ZC3H12C: variants seen among roughly 807,000 people sequenced by gnomAD.
The protein encoded by ZC3H12C is zinc finger CCCH-type containing 12C, also known as probable ribonuclease ZC3H12C.
Under a neutral mutation model 76.3 loss-of-function variants are expected in ZC3H12C, and 20 were observed. The observed-to-expected ratio is 0.26, with a 90% CI of 0.18 to 0.38. The LOEUF is 0.38. Among genes scored for constraint, ZC3H12C ranks in the 10% least tolerant of loss-of-function variants. The probability of loss-of-function intolerance (pLI) is 1.00; values close to 1 mark genes in which losing one functional copy is unlikely to be tolerated. For missense variants in ZC3H12C, 874 were observed against 1,086.5 expected, an observed-to-expected ratio of 0.80 and a Z score of 2.75; for synonymous variants, 352 against 399.6, an observed-to-expected ratio of 0.88 and a Z score of 1.42.
At chr11:110,135,180 C>T (rs681272) in intron 1 of ZC3H12C, among the ~76,000 whole-genome samples, 75,588 of 151,822 alleles carry the variant, frequency 0.5, 19,081 homozygotes, top group East Asian at 0.72. Flanking sequence ...CGTAGAATAC[C>T]AGAATTGCCT....
chr11:110,104,148 A>G (rs1415160328), intron 1 of ZC3H12C, among the ~76,000 whole-genome samples: 1 of 151,684 alleles, frequency 6.6e-6, no homozygotes, highest in Non-Finnish European at 1.5e-5. Flanking sequence ...TCCCAGCACA[A>G]TTTTCGTGCC....
intron 1 of ZC3H12C, chr11:110,136,394 G>T: frequency 2.8e-6 from 1 of 353,146 alleles, no homozygotes; most frequent in Non-Finnish European, 5.1e-6. Context: ...ATGGGTTTTA[G>T]AATCAGACGA....
intron 2 of ZC3H12C, among the ~76,000 whole-genome samples, chr11:110,151,141 T>C (rs1264471623): frequency 6.6e-6 from 1 of 152,202 alleles, no homozygotes; most frequent in African/African-American, 2.4e-5. Flanking sequence ...AATTGCATAG[T>C]ACAGTATCCT....
intron 1 of ZC3H12C, among the ~76,000 whole-genome samples, chr11:110,100,367 G>T (rs949597679): frequency 6.6e-6 from 1 of 152,154 alleles, no homozygotes; most frequent in Non-Finnish European, 1.5e-5. Flanking sequence ...TACTTTAAAT[G>T]AATCTGCTGG....
Position 110,137,314 on chromosome 11 carries a change from C to G in ZC3H12C, c.673C>G (p.Leu225Val). ...CACTATAACACGGGAAACTTCTTCC[C>G]TGGAATCTCAGAGGTCTGAATCTCC... ...INTITRETSS[L>V]ESQRSESPMQ... The change falls in exon 2 of 6, where the codon CTG (leucine) becomes GTG (valine). Residue 225 changes from leucine to valine, a missense_variant. Physicochemically the swap from Leu to Val is conservative, Grantham distance 32. Coordinates refer to ENST00000278590, the MANE Select transcript of ZC3H12C (RefSeq NM_033390.2). 3 of 1,613,894 alleles carry G rather than the reference C, an allele frequency of 1.9e-6. No individual in the cohort carries two copies. The highest frequency in any genetic ancestry group is 2.5e-6 in the Non-Finnish European group (3 of 1,179,862).
At chr11:110,132,362 G>A (rs1424204653) in intron 1 of ZC3H12C, among the ~76,000 whole-genome samples, 1 of 152,100 alleles carries the variant, frequency 6.6e-6, no homozygotes, top group Non-Finnish European at 1.5e-5. Context: ...CCATTATGTT[G>A]TAAACCTGCA....
Position 110,137,300 on chromosome 11 carries a change from G to T in ZC3H12C, c.659G>T (p.Arg220Leu). ...GTTAGTACAATTAACACTATAACAC[G>T]GGAAACTTCTTCCCTGGAATCTCAG... is the stretch of plus-strand genomic sequence containing the variant. ...QTVSTINTIT[R>L]ETSSLESQRS... Residue 220 changes from arginine to leucine, a missense_variant, in exon 2 of 6, where the codon CGG (arginine) becomes CTG (leucine). By Grantham distance (102) the Arg-to-Leu change is moderately radical. This residue lies in a region of ZC3H12C where 269 missense variants were observed against 424.9 expected (regional missense o/e 0.63). Transcript: ENST00000278590. The T allele has an allele frequency of 6.2e-7, 1 of 1,613,862 alleles. No homozygotes were observed. The highest frequency in any genetic ancestry group is 1.3e-5 in the African/African-American group (1 of 75,034).
intron 1 of ZC3H12C, 52 bp from the exon 2 acceptor site, chr11:110,136,611 C>G: frequency 1.3e-6 from 2 of 1,552,660 alleles, no homozygotes; most frequent in Non-Finnish European, 1.7e-6. Context: ...TCCATTGAGA[C>G]AGAAATCTAG....
At chr11:110,149,150 C>T (rs966510206) in intron 2 of ZC3H12C, among the ~76,000 whole-genome samples, 2 of 152,160 alleles carry the variant, frequency 1.3e-5, no homozygotes, top group Non-Finnish European at 2.9e-5. Context: ...TGATGCCTGA[C>T]ACAGACTTCC....
intron 2 of ZC3H12C, among the ~76,000 whole-genome samples, chr11:110,145,518 A>G (rs1276457686): frequency 6.6e-6 from 1 of 151,576 alleles, no homozygotes; most frequent in Non-Finnish European, 1.5e-5. Flanking sequence ...TCCAAAGCGT[A>G]GTAGTCCTTT....
At chr11:110,112,777 G>A (rs1861456537) in intron 1 of ZC3H12C, among the ~76,000 whole-genome samples, 1 of 152,120 alleles carries the variant, frequency 6.6e-6, no homozygotes, top group Admixed American at 6.5e-5. Flanking sequence ...GGTTGGTTTT[G>A]GCAGAGAATT....
At chr11:110,107,257 T>C (rs1186883078) in intron 1 of ZC3H12C, among the ~76,000 whole-genome samples, 1 of 152,268 alleles carries the variant, frequency 6.6e-6, no homozygotes, top group African/African-American at 2.4e-5. Flanking sequence ...TATCCTTGTG[T>C]CAGTGGTATA....
At chr11:110,149,303 A>G (rs1862226871) in intron 2 of ZC3H12C, among the ~76,000 whole-genome samples, 2 of 152,180 alleles carry the variant, frequency 1.3e-5, no homozygotes, top group Non-Finnish European at 2.9e-5. Flanking sequence ...TCGCCGTTTA[A>G]AAGATAAGAA....
At chr11:110,131,950 A>G (rs777597976) in intron 1 of ZC3H12C, among the ~76,000 whole-genome samples, 53 of 152,336 alleles carry the variant, frequency 3.5e-4, no homozygotes, top group East Asian at 5.8e-4. Flanking sequence ...GCATTAACCA[A>G]TCTGTTCAAA....
At chr11:110,118,741 G>A (rs1271741230) in intron 1 of ZC3H12C, among the ~76,000 whole-genome samples, 2 of 152,192 alleles carry the variant, frequency 1.3e-5, no homozygotes, top group Non-Finnish European at 2.9e-5. Flanking sequence ...AGTTTGCAGT[G>A]AGCCAGGATG....
At position 110,170,500 on chromosome 11, in the gene ZC3H12C, T is replaced by TA. The variant is rs1384921091; in HGVS notation, c.*4768dup. 1 of 152,224 alleles carries TA rather than the reference T, an allele frequency of 6.6e-6. No individual in the cohort carries two copies. Among genetic ancestry groups the TA allele is most frequent in the African/African-American group, 2.4e-5 (1 of 41,466 alleles). The allele number at this position is 152,224 out of a possible 1,614,324, so 9.4% of individuals were successfully genotyped here. On this transcript the variant is annotated 3_prime_UTR_variant, in exon 6 of 6. Transcript: ENST00000278590. ...ATGCTATAGCTTTATTCTGTAAGAT[T>TA]AAAAATTGTGACTAGTATAATTGTA...
At chr11:110,100,462 GTT>G (rs1861193796) in intron 1 of ZC3H12C, among the ~76,000 whole-genome samples, 1 of 151,848 alleles carries the variant, frequency 6.6e-6, no homozygotes, top group Admixed American at 6.6e-5. Flanking sequence ...TTCTTTTTTT[GTT>G]TTGTTTTGTT....
intron 1 of ZC3H12C, among the ~76,000 whole-genome samples, chr11:110,116,391 TTTTC>T (rs1285568871): frequency 2.0e-5 from 3 of 152,224 alleles, no homozygotes; most frequent in African/African-American, 4.8e-5. Context: ...TTCTAAATTA[TTTTC>T]TTTATTTTCC....
chr11:110,096,065 A>G (rs912296172), intron 1 of ZC3H12C, among the ~76,000 whole-genome samples: 5 of 152,238 alleles, frequency 3.3e-5, no homozygotes, highest in African/African-American at 9.6e-5. Flanking sequence ...CCTGCAGCAT[A>G]TGAAATCTCA....
Sources: allele counts gnomAD v4.1 joint callset (sites outside exome capture counted in the v4.1 genomes callset), GRCh38; gene constraint gnomAD v4.1.1; regional missense constraint gnomAD v4.1.1; transcripts MANE v1.5; gene names NCBI Gene and HGNC (gene_info 2026-07-23, HGNC 2026-07-21).